ENKUR: variants seen among roughly 807,000 people sequenced by gnomAD.
ENKUR encodes enkurin, TRPC channel interacting protein, also known as enkurin.
Under a neutral mutation model 27.6 loss-of-function variants are expected in ENKUR, and 19 were observed. The observed-to-expected ratio is 0.69, with a 90% CI of 0.48 to 1.01. The LOEUF (loss-of-function observed/expected upper bound fraction) is 1.01. Among genes scored for constraint, ENKUR ranks in the 50% least tolerant of loss-of-function variants. The probability of loss-of-function intolerance (pLI) is 0.00; values close to 1 mark genes in which losing one functional copy is unlikely to be tolerated. For missense variants in ENKUR, 312 were observed against 310.5 expected (o/e 1.00, Z -0.04); for synonymous variants, 117 against 96.9 (o/e 1.21, Z -1.22).
chr10:25,027,463 G>A (rs756112554), intron 2 of ENKUR, among the ~76,000 whole-genome samples: 1 of 150,942 alleles, frequency 6.6e-6, no homozygotes, highest in South Asian at 2.1e-4. Context: ...CTTGAACCTG[G>A]GAGATGCAGG....
intron 1 of ENKUR, among the ~76,000 whole-genome samples, chr10:25,012,619 A>T (rs960075225): frequency 2.0e-5 from 3 of 152,216 alleles, no homozygotes; most frequent in Admixed American, 1.3e-4. Context: ...AGGGGCCTAT[A>T]GCCCCTTTGT....
intron 2 of ENKUR, among the ~76,000 whole-genome samples, chr10:25,030,582 T>C (rs1769681767): frequency 6.6e-6 from 1 of 152,236 alleles, no homozygotes; most frequent in Admixed American, 6.5e-5. Flanking sequence ...GTCAGGGTTC[T>C]AAAATTTCAT....
intron 2 of ENKUR, among the ~76,000 whole-genome samples, chr10:25,049,048 AACC>A (rs1851153914): frequency 1.3e-5 from 2 of 152,128 alleles, no homozygotes; most frequent in South Asian, 4.1e-4. Flanking sequence ...CCTTTATTTT[AACC>A]ACATCACTAC....
chr10:25,002,125 A>G (rs1850200388), intron 1 of ENKUR, among the ~76,000 whole-genome samples: 1 of 152,164 alleles, frequency 6.6e-6, no homozygotes, highest in African/African-American at 2.4e-5. Context: ...TGGCCCCACT[A>G]CTGAGGCAAT....
intron 2 of ENKUR, chr10:25,025,598 C>T: frequency 1.3e-6 from 1 of 793,660 alleles, no homozygotes; most frequent in Non-Finnish European, 2.0e-6. Flanking sequence ...ATCTCTAGGG[C>T]TGACATGAGA....
At position 24,982,408 on chromosome 10, in the gene ENKUR, A is replaced by G. The variant is rs984513111; in HGVS notation, c.*1962T>C. The G allele has an allele frequency of 2.0e-5, 3 of 152,288 alleles. No homozygotes were observed. The highest frequency in any genetic ancestry group is 1.9e-4 in the East Asian group (1 of 5,200). 9.4% of individuals were successfully genotyped at this position (152,288 alleles called of 1,614,324 possible). A position where few individuals can be genotyped will look rare whatever the true frequency, so the allele number is the denominator to read the frequency against. On this transcript the variant is annotated 3_prime_UTR_variant, in exon 6 of 6. Coordinates refer to ENST00000331161, the MANE Select transcript of ENKUR (RefSeq NM_145010.4). ...CATTTCAAGAAATCAAGCTAAAAAG[A>G]TCATAGACAAGGGGCCAGACCACAT...
chr10:25,013,476 A>G (rs913743395), intron 1 of ENKUR, among the ~76,000 whole-genome samples: 1 of 152,262 alleles, frequency 6.6e-6, no homozygotes. Context: ...ATAGTTGGAC[A>G]TGACTGTCAA....
intron 2 of ENKUR, among the ~76,000 whole-genome samples, chr10:25,045,053 T>A (rs1851107726): frequency 6.6e-6 from 1 of 152,248 alleles, no homozygotes. Context: ...AGGGAAAAGA[T>A]GAATACATAT....
chr10:25,015,761 A>G (rs1295063127), intron 1 of ENKUR, 99 bp downstream of exon 1: 8 of 1,133,058 alleles, frequency 7.1e-6, no homozygotes, highest in Non-Finnish European at 9.4e-6. Context: ...GCAAAAATAC[A>G]TTTTATTTAT....
chr10:24,997,690 T>C (rs758474429), intron 2 of ENKUR, among the ~76,000 whole-genome samples: 25 of 152,174 alleles, frequency 1.6e-4, no homozygotes, highest in Non-Finnish European at 3.2e-4. Flanking sequence ...TGCCCAGCCC[T>C]AATACCCTGA....
chr10:25,052,990 A>G (rs1851204577), intron 2 of ENKUR, among the ~76,000 whole-genome samples: 1 of 151,534 alleles, frequency 6.6e-6, no homozygotes, highest in Admixed American at 6.6e-5. Context: ...GCTGGTCTTG[A>G]ACTCCTGACC....
intron 2 of ENKUR, 65 bp from the exon 3 acceptor site, chr10:24,995,934 A>G: frequency 7.7e-7 from 1 of 1,300,856 alleles, no homozygotes; most frequent in Non-Finnish European, 1.1e-6. Context: ...TGCTATTTAT[A>G]ATATCCAGAT....
intron 2 of ENKUR, among the ~76,000 whole-genome samples, chr10:25,034,655 G>A (rs1197952229): frequency 6.6e-6 from 1 of 152,102 alleles, no homozygotes; most frequent in Non-Finnish European, 1.5e-5. Context: ...AAGTCAACAT[G>A]GGTCATTACC....
In ENKUR at chr10:25,027,541, A is replaced by G. The variant is rs560251051; in HGVS notation, c.38-31672T>C. ...CAACAAGAGCAAAACTCCGTCTCCAAAAAAAAAAAAAAAGCATTATTTTTC... is the reference window on the plus strand; with the variant it reads ...CAACAAGAGCAAAACTCCGTCTCCAGAAAAAAAAAAAAAGCATTATTTTTC... On this transcript the variant is annotated intron_variant, in intron 2 of 5. Transcript: ENST00000615958. 6.0e-3 allele frequency among the ~76,000 whole-genome samples: 511 copies of G among 85,100 alleles called. 5 individuals are homozygous for G. Among genetic ancestry groups the G allele is most frequent in the African/African-American group, 0.014 (472 of 33,230 alleles). 55.8% of individuals were successfully genotyped at this position (85,100 alleles called of 152,430 possible).
chr10:25,049,540 C>A (rs1243533423), intron 2 of ENKUR, among the ~76,000 whole-genome samples: 1 of 152,122 alleles, frequency 6.6e-6, no homozygotes, highest in Non-Finnish European at 1.5e-5. Context: ...ATAATCCCAG[C>A]ACTTTGGGAG....
intron 2 of ENKUR, among the ~76,000 whole-genome samples, chr10:25,058,702 G>A (rs1040816284): frequency 5.9e-5 from 9 of 151,612 alleles, no homozygotes; most frequent in Admixed American, 1.3e-4. Flanking sequence ...AGGCGTAGGC[G>A]AGCTGATCAC....
chr10:25,025,079 G>T, intron 2 of ENKUR: 2 of 1,614,192 alleles, frequency 1.2e-6, no homozygotes, highest in Non-Finnish European at 1.7e-6. Flanking sequence ...GCTGACTGGT[G>T]CTCTGAGGGA....
intron 1 of ENKUR, among the ~76,000 whole-genome samples, chr10:25,006,995 G>A (rs922367595): frequency 6.6e-6 from 1 of 152,132 alleles, no homozygotes; most frequent in African/African-American, 2.4e-5. Context: ...GCTATTAATA[G>A]TATTCTTGTG....
chr10:25,033,837 A>G (rs1311286443), intron 2 of ENKUR, among the ~76,000 whole-genome samples: 142 of 79,968 alleles, frequency 1.8e-3, no homozygotes, highest in African/African-American at 4.7e-3. Flanking sequence ...CTATCTATCT[A>G]TCTATCTATC....
Sources: gnomAD v4.1 joint callset for allele counts (sites outside exome capture counted in the v4.1 genomes callset) on GRCh38, gnomAD v4.1.1 for gene constraint, MANE v1.5 for transcripts, NCBI Gene and HGNC (gene_info 2026-07-23, HGNC 2026-07-21) for gene names.